VPS13D: variants seen among roughly 807,000 people sequenced by gnomAD.
VPS13D encodes the protein vacuolar protein sorting 13 homolog D, also known as intermembrane lipid transfer protein VPS13D.
VPS13D carries 187 observed loss-of-function variants against 461.9 expected under a neutral mutation model. That is an observed-to-expected ratio of 0.40 (90% CI 0.36 to 0.46). The LOEUF (loss-of-function observed/expected upper bound fraction) is 0.46, where lower values mean the gene tolerates loss of function less well. Among genes scored for constraint, VPS13D ranks in the 20% least tolerant of loss-of-function variants. The pLI, the probability that VPS13D is intolerant of heterozygous loss-of-function variation, is 0.60. For missense variants in VPS13D, 4,711 were observed against 5,364.9 expected, an observed-to-expected ratio of 0.88 and a Z score of 3.81; for synonymous variants, 1,951 against 1,986.3, an observed-to-expected ratio of 0.98 and a Z score of 0.47.
chr1:12,361,305 A>G (rs1643942992), intron 50 of VPS13D, among the ~76,000 whole-genome samples: 2 of 151,714 alleles, frequency 1.3e-5, no homozygotes, highest in South Asian at 4.1e-4. Flanking sequence ...GTTGAATGTC[A>G]TTGCTGTATT....
chr1:12,334,347 C>T lies in VPS13D; in HGVS notation c.8428+981C>T, dbSNP rs114940087. ...ATTGTTTCTCACAACATCTCTTACT[C>T]ACAACATCTCTTACTCTAGAAGGTT... On this transcript the variant is annotated intron_variant, in intron 38 of 69. Coordinates refer to ENST00000620676, the MANE Select transcript of VPS13D (RefSeq NM_015378.4). Among the ~76,000 whole-genome samples, 340 of 152,200 alleles carry T rather than the reference C, an allele frequency of 2.2e-3. 2 individuals carry two copies. The highest frequency in any genetic ancestry group is 7.9e-3 in the African/African-American group (327 of 41,566).
intron 55 of VPS13D, among the ~76,000 whole-genome samples, chr1:12,374,728 G>A (rs1378383799): frequency 2.0e-5 from 3 of 152,152 alleles, no homozygotes; most frequent in South Asian, 2.1e-4. Flanking sequence ...ATGTGTATGC[G>A]TATGTATGTA....
At chr1:12,478,015 T>A (rs1645656836) in intron 67 of VPS13D, among the ~76,000 whole-genome samples, 1 of 152,196 alleles carries the variant, frequency 6.6e-6, no homozygotes. Context: ...TATGGAAGGT[T>A]CGTCAGGGAT....
chr1:12,234,374 C>T lies in VPS13D; in HGVS notation c.97+11C>T. On this transcript the variant is annotated intron_variant, in intron 2 of 69. Coordinates refer to ENST00000620676, the MANE Select transcript of VPS13D (RefSeq NM_015378.4). ...TTGCACTTCTCAAAGGTGAGTATTT[C>T]TCTGGGTGAGATACAGCTTTATAGG... The T allele has an allele frequency of 1.2e-6, 2 of 1,608,102 alleles. No individual in the cohort carries two copies. The highest frequency in any genetic ancestry group is 1.7e-6 in the Non-Finnish European group (2 of 1,175,338).
intron 65 of VPS13D, among the ~76,000 whole-genome samples, chr1:12,446,433 A>G (rs939813784): frequency 3.9e-5 from 6 of 152,050 alleles, no homozygotes; most frequent in African/African-American, 1.4e-4. Context: ...GAAAAAAAAA[A>G]AAAAGAACAA....
Position 12,349,404 on chromosome 1 carries a change from C to T in VPS13D, c.9431+30C>T. On this transcript the variant is annotated intron_variant, in intron 46 of 69. Coordinates refer to ENST00000620676, the MANE Select transcript of VPS13D (RefSeq NM_015378.4). ...GTAGCACCACTGCAGTGACATGTCACTTTTGCCTTTTTTTTTTCTTTTGGA... is the reference window on the plus strand; with the variant it reads ...GTAGCACCACTGCAGTGACATGTCATTTTTGCCTTTTTTTTTTCTTTTGGA... 5.7e-6 allele frequency: 9 copies of T among 1,589,616 alleles called. No homozygotes were observed. The South Asian group carries it at 8.1e-5, about 14-fold the overall frequency.
intron 65 of VPS13D, among the ~76,000 whole-genome samples, chr1:12,430,805 T>C (rs918210593): frequency 1.3e-5 from 2 of 152,210 alleles, no homozygotes; most frequent in South Asian, 4.1e-4. Context: ...CAGCGGGTCA[T>C]GCAAATCTCC....
chr1:12,256,223 A>G (rs1640916429), intron 7 of VPS13D, 110 bp from the exon 8 acceptor site: 7 of 1,262,316 alleles, frequency 5.5e-6, no homozygotes, highest in African/African-American at 1.5e-5. Flanking sequence ...CCGCTGTGAC[A>G]CAGCCTATGG....
At chr1:12,318,468 C>T (rs1338279752) in intron 31 of VPS13D, 131 bp downstream of exon 31, 1 of 1,187,918 alleles carries the variant, frequency 8.4e-7, no homozygotes, top group African/African-American at 1.5e-5. Context: ...CTTTTACAGA[C>T]CTGCAAGCAT....
In VPS13D at chr1:12,253,830, C is replaced by T. The variant is rs373316874; in HGVS notation, c.669+4C>T. ...TTTGCCTCAGATGGAGTTACAGGTA[C>T]GATTTCGGCAGGGAGATTTGTTGCA... is the stretch of plus-strand genomic sequence containing the variant. On this transcript the variant is annotated splice_donor_region_variant and intron_variant, in intron 7 of 69. Coordinates refer to ENST00000620676, the MANE Select transcript of VPS13D (RefSeq NM_015378.4). 15 of 1,612,278 alleles carry T rather than the reference C, an allele frequency of 9.3e-6. No homozygotes were observed. The highest frequency in any genetic ancestry group is 2.2e-5 in the East Asian group (1 of 44,870).
Position 12,277,472 on chromosome 1 carries a change from A to G in VPS13D, c.3884A>G (p.His1295Arg). Residue 1295 changes from histidine to arginine, a missense_variant, in exon 19 of 70, where the codon CAC becomes CGC. By Grantham distance (29) the His-to-Arg change is conservative (BLOSUM62 0). This residue lies in a region of VPS13D where 4,411 missense variants were observed against 4,937.8 expected (regional missense o/e 0.89). Coordinates refer to ENST00000620676, the MANE Select transcript of VPS13D (RefSeq NM_015378.4). ...NLKMASLHYN[H>R]SAKFLKELTL... ...AAGATGGCTTCTTTACATTATAACCACTCTGCTAAGTTTTTGAAGGAGTTG... is the reference window on the plus strand; with the variant it reads ...AAGATGGCTTCTTTACATTATAACCGCTCTGCTAAGTTTTTGAAGGAGTTG... 6.2e-7 allele frequency: 1 copy of G among 1,614,024 alleles called. No individual in the cohort carries two copies. The highest frequency in any genetic ancestry group is 8.5e-7 in the Non-Finnish European group (1 of 1,180,004).
In VPS13D at chr1:12,288,310, A is replaced by G; in HGVS notation, c.5722A>G (p.Ile1908Val). 1 of 1,614,020 alleles carries G rather than the reference A, an allele frequency of 6.2e-7. No individual in the cohort carries two copies. The highest frequency in any genetic ancestry group is 8.5e-7 in the Non-Finnish European group (1 of 1,179,896). Residue 1908 changes from isoleucine (I) to valine (V), a missense_variant, in exon 22 of 70, where the codon ATT becomes GTT. Physicochemically the swap from Ile to Val is conservative, Grantham distance 29. Transcript: ENST00000620676. Reference sequence around the variant, plus strand: ...CAAATTAGTAGCACACCTGGAAATGATTGGTAAGTGGTGGGGGGTGGAGGG... The same window carrying G: ...CAAATTAGTAGCACACCTGGAAATGGTTGGTAAGTGGTGGGGGGTGGAGGG... ...VSKLVAHLEM[I>V]EGDLALQGSI... is the part of the protein sequence containing the mutation.
At chr1:12,435,655 A>G (rs1470763778) in intron 65 of VPS13D, among the ~76,000 whole-genome samples, 1 of 151,730 alleles carries the variant, frequency 6.6e-6, no homozygotes, top group Non-Finnish European at 1.5e-5. Context: ...CAGGCTAAGA[A>G]CCGAGATTCT....
At chr1:12,265,182 A>C (rs1378235441) in intron 13 of VPS13D, among the ~76,000 whole-genome samples, 1 of 152,174 alleles carries the variant, frequency 6.6e-6, no homozygotes, top group Non-Finnish European at 1.5e-5. Flanking sequence ...GTCACTCAAG[A>C]GCTCTGCTGG....
intron 55 of VPS13D, among the ~76,000 whole-genome samples, chr1:12,374,545 G>A (rs1165511035): frequency 6.6e-6 from 1 of 152,138 alleles, no homozygotes; most frequent in Non-Finnish European, 1.5e-5. Context: ...TTTCCACTGA[G>A]AAGTGAGGCT....
intron 23 of VPS13D, among the ~76,000 whole-genome samples, chr1:12,291,929 G>T (rs1225224834): frequency 1.3e-5 from 2 of 152,088 alleles, no homozygotes; most frequent in African/African-American, 4.8e-5. Context: ...TTAGATTTTA[G>T]AAAGGGATCT....
Position 12,386,319 on chromosome 1 carries a change from C to T in VPS13D, c.11619C>T (p.Ser3873=), listed in dbSNP as rs1274770533. Residue 3873 remains serine, a synonymous_variant, in exon 60 of 70, where the codon AGC becomes AGT. Transcript: ENST00000620676. Reference sequence around the variant, plus strand: ...CAACCAGTCACATGCTTGAACTCAGCATACAGGATGTACAGGTAAGGGGGA... The same window carrying T: ...CAACCAGTCACATGCTTGAACTCAGTATACAGGATGTACAGGTAAGGGGGA... The part of the protein sequence containing the change: ...QLATSHMLEL[S]IQDVQVDNQL... 1 of 1,608,442 alleles carries T rather than the reference C, an allele frequency of 6.2e-7. No homozygotes were observed. Among genetic ancestry groups the T allele is most frequent in the Admixed American group, 1.7e-5 (1 of 59,034 alleles).
intron 32 of VPS13D, among the ~76,000 whole-genome samples, chr1:12,320,420 G>T (rs1177772149): frequency 6.6e-6 from 1 of 152,096 alleles, no homozygotes; most frequent in Admixed American, 6.6e-5. Context: ...TTTGCTTTAC[G>T]ATCGGCCTTT....
At chr1:12,436,528 C>T (rs1645062795) in intron 65 of VPS13D, among the ~76,000 whole-genome samples, 1 of 152,288 alleles carries the variant, frequency 6.6e-6, no homozygotes, top group Admixed American at 6.5e-5. Context: ...CCTTGTTTCG[C>T]CCCCACCCAC....
Sources: allele counts gnomAD v4.1 joint callset (sites outside exome capture counted in the v4.1 genomes callset), GRCh38; gene constraint gnomAD v4.1.1; regional missense constraint gnomAD v4.1.1; transcripts MANE v1.5; gene names NCBI Gene and HGNC (gene_info 2026-07-23, HGNC 2026-07-21).